The following DIAPH3 variants were observed in gnomAD, a reference collection of about 807,000 sequenced individuals.
DIAPH3 encodes protein diaphanous homolog 3.
Under a neutral mutation model 144.3 loss-of-function variants are expected in DIAPH3, and 117 were observed. The ratio of observed to expected loss-of-function variants is 0.81; its 90% confidence interval spans 0.70 to 0.95. DIAPH3 has a LOEUF of 0.95. Among genes scored for constraint, DIAPH3 ranks in the 40% least tolerant of loss-of-function variants. The pLI is 0.00. For synonymous variants in DIAPH3, 519 were observed against 488.9 expected (o/e 1.06, Z -0.81); for missense variants, 1,421 against 1,412.7 (o/e 1.01, Z -0.09).
intron 2 of DIAPH3, among the ~76,000 whole-genome samples, chr13:60,128,636 C>G (rs1485542137): frequency 6.6e-6 from 1 of 152,174 alleles, no homozygotes; most frequent in Admixed American, 6.5e-5. Context: ...TTCCTACATG[C>G]AACTACATAT....
intron 4 of DIAPH3, among the ~76,000 whole-genome samples, chr13:60,051,233 AT>A (rs2056331451): frequency 1.3e-5 from 2 of 152,036 alleles, no homozygotes; most frequent in East Asian, 3.9e-4. Context: ...TGGGAAAAAA[AT>A]ATATATATAT....
At chr13:59,747,690 C>T (rs1207510763) in intron 27 of DIAPH3, among the ~76,000 whole-genome samples, 1 of 152,070 alleles carries the variant, frequency 6.6e-6, no homozygotes, top group African/African-American at 2.4e-5. Context: ...CAGTTACATC[C>T]TACTATAGAG....
At chr13:60,073,113 A>T (rs1413280080) in intron 4 of DIAPH3, among the ~76,000 whole-genome samples, 1 of 152,182 alleles carries the variant, frequency 6.6e-6, no homozygotes, top group African/African-American at 2.4e-5. Context: ...GTTCAAGACC[A>T]GGCTGGTAGA....
chr13:60,075,607 C>T (rs542943925), intron 4 of DIAPH3, among the ~76,000 whole-genome samples: 19 of 152,112 alleles, frequency 1.2e-4, no homozygotes, highest in Middle Eastern at 6.8e-3. Context: ...AATATTAAAA[C>T]CTCAGTCTTA....
intron 27 of DIAPH3, among the ~76,000 whole-genome samples, chr13:59,680,005 T>A (rs189392866): frequency 6.6e-6 from 1 of 152,302 alleles, no homozygotes; most frequent in Admixed American, 6.5e-5. Context: ...GTTAGTTCAG[T>A]GGTTCAAAAT....
intron 27 of DIAPH3, among the ~76,000 whole-genome samples, chr13:59,734,762 C>T (rs2036056568): frequency 6.6e-6 from 1 of 152,182 alleles, no homozygotes; most frequent in African/African-American, 2.4e-5. Flanking sequence ...GCAGGCGGCT[C>T]TCTTCAGTCC....
chr13:60,059,698 G>T (rs2056691824), intron 4 of DIAPH3, among the ~76,000 whole-genome samples: 1 of 151,918 alleles, frequency 6.6e-6, no homozygotes, highest in South Asian at 2.1e-4. Context: ...GTTGGGGGGT[G>T]GGGGAGCTGA....
intron 1 of DIAPH3, among the ~76,000 whole-genome samples, chr13:60,152,667 T>G (rs1041106078): frequency 3.9e-5 from 6 of 152,090 alleles, no homozygotes; most frequent in African/African-American, 1.4e-4. Flanking sequence ...ATATTTAATG[T>G]TTTAAGCTTA....
intron 22 of DIAPH3, among the ~76,000 whole-genome samples, chr13:59,855,073 T>C (rs2139883175): frequency 6.6e-6 from 1 of 152,312 alleles, no homozygotes; most frequent in East Asian, 1.9e-4. Flanking sequence ...CTAGTGATTT[T>C]TGGGACATTC....
chr13:60,021,864 T>C (rs528703380), intron 5 of DIAPH3, among the ~76,000 whole-genome samples: 19 of 152,186 alleles, frequency 1.2e-4, no homozygotes, highest in South Asian at 8.3e-4. Flanking sequence ...ATAACCCAAA[T>C]GGACAAGCAA....
intron 18 of DIAPH3, among the ~76,000 whole-genome samples, chr13:59,920,828 A>T (rs939733652): frequency 1.8e-4 from 28 of 151,908 alleles, no homozygotes; most frequent in African/African-American, 6.8e-4. Flanking sequence ...TCCAGGACAG[A>T]TCATATGTTA....
intron 7 of DIAPH3, chr13:60,012,867 C>T: frequency 2.6e-6 from 1 of 379,372 alleles, no homozygotes; most frequent in Middle Eastern, 1.3e-3. Context: ...AGGTAACGTT[C>T]TCTGATTTTG....
chr13:60,158,796 G>A (rs974886068), intron 1 of DIAPH3, among the ~76,000 whole-genome samples: 1 of 151,716 alleles, frequency 6.6e-6, no homozygotes, highest in African/African-American at 2.4e-5. Context: ...CTGTCTCTCA[G>A]GGGCTGGAAG....
intron 17 of DIAPH3, among the ~76,000 whole-genome samples, chr13:59,968,056 G>T (rs181999689): frequency 4.1e-4 from 63 of 152,292 alleles, no homozygotes; most frequent in Admixed American, 6.5e-5. Context: ...TGCAAAAAAT[G>T]ATCACCTTTT....
intron 5 of DIAPH3, among the ~76,000 whole-genome samples, chr13:60,030,873 C>T (rs918485148): frequency 2.0e-5 from 3 of 152,154 alleles, no homozygotes; most frequent in African/African-American, 7.2e-5. Flanking sequence ...CAGACATAGA[C>T]CATTTTTGTC....
At chr13:59,830,324 T>TAA (rs2139702931) in intron 24 of DIAPH3, among the ~76,000 whole-genome samples, 1 of 151,944 alleles carries the variant, frequency 6.6e-6, no homozygotes, top group South Asian at 2.1e-4. Flanking sequence ...TAGAAGAGAA[T>TAA]AAAGTACCTG....
chr13:59,811,963 A>C (rs911683506), intron 24 of DIAPH3, among the ~76,000 whole-genome samples: 6 of 152,200 alleles, frequency 3.9e-5, no homozygotes, highest in African/African-American at 1.4e-4. Context: ...CAACAAAGAG[A>C]GTAACATTAT....
chr13:59,752,222 A>G (rs934712732), intron 27 of DIAPH3, among the ~76,000 whole-genome samples: 2 of 152,216 alleles, frequency 1.3e-5, no homozygotes, highest in African/African-American at 4.8e-5. Flanking sequence ...TAATTTAAAT[A>G]AGGAAACCGA....
intron 3 of DIAPH3, among the ~76,000 whole-genome samples, chr13:60,095,189 G>T (rs188388800): frequency 1.3e-5 from 2 of 152,236 alleles, no homozygotes; most frequent in East Asian, 3.9e-4. Flanking sequence ...ACTAAGCCTA[G>T]ACTCGAATTC....
Sources: allele counts gnomAD v4.1 joint callset (sites outside exome capture counted in the v4.1 genomes callset), GRCh38; gene constraint gnomAD v4.1.1; transcripts MANE v1.5; gene names NCBI Gene and HGNC (gene_info 2026-07-23, HGNC 2026-07-21).